PRKCA: variants seen among roughly 807,000 people sequenced by gnomAD.
PRKCA encodes the protein protein kinase C alpha.
In PRKCA, 27 loss-of-function variants were observed where a neutral mutation model predicts 87.0. That is an observed-to-expected ratio of 0.31 (90% CI 0.23 to 0.43). PRKCA has a LOEUF of 0.43. Ranked by LOEUF, PRKCA falls within the 20% of genes least tolerant of loss-of-function variation. The pLI is 1.00. For synonymous variants in PRKCA, 329 were observed against 311.1 expected (o/e 1.06, Z -0.61); for missense variants, 518 against 852.3 (o/e 0.61, Z 4.88).
intron 2 of PRKCA, among the ~76,000 whole-genome samples, chr17:66,422,552 C>T (rs9789061): frequency 0.52 from 79,264 of 151,870 alleles, 23,169 homozygotes; most frequent in Non-Finnish European, 0.67. Flanking sequence ...CCCAGAAGGG[C>T]AGTGAGGATT....
intron 3 of PRKCA, among the ~76,000 whole-genome samples, chr17:66,609,484 T>A (rs1438468199): frequency 2.0e-5 from 3 of 152,328 alleles, no homozygotes; most frequent in African/African-American, 7.2e-5. Flanking sequence ...CTATTGCCAA[T>A]CATCGATCAG....
intron 14 of PRKCA, among the ~76,000 whole-genome samples, chr17:66,784,538 C>A (rs929616289): frequency 6.6e-6 from 1 of 152,240 alleles, no homozygotes; most frequent in African/African-American, 2.4e-5. Flanking sequence ...TGAGCCACCA[C>A]GCCCAGCTAC....
chr17:66,494,214 G>A (rs1916367440), intron 2 of PRKCA, among the ~76,000 whole-genome samples: 1 of 152,204 alleles, frequency 6.6e-6, no homozygotes, highest in Non-Finnish European at 1.5e-5. Context: ...GGAGAAAATA[G>A]CGTATGAGCC....
chr17:66,531,091 T>G (rs554202463), intron 3 of PRKCA, among the ~76,000 whole-genome samples: 86 of 152,314 alleles, frequency 5.6e-4, no homozygotes, highest in African/African-American at 1.9e-3. Context: ...GTAACATTCT[T>G]TGCTCCATCG....
chr17:66,444,025 G>T (rs940512090), intron 2 of PRKCA, among the ~76,000 whole-genome samples: 4 of 152,144 alleles, frequency 2.6e-5, no homozygotes, highest in African/African-American at 4.8e-5. Context: ...CTTTTTCTGA[G>T]TCTCAGTTTC....
At position 66,364,513 on chromosome 17, in the gene PRKCA, A is replaced by G. The variant is rs181579328; in HGVS notation, c.205+58386A>G. Among the ~76,000 whole-genome samples, 5 of 152,298 alleles carry G rather than the reference A, an allele frequency of 3.3e-5. No homozygotes were observed. In the East Asian group the frequency reaches 9.6e-4, roughly 29 times the overall value. On this transcript the variant is annotated intron_variant, in intron 2 of 16. Transcript: ENST00000413366. ...ATGTACCTTAAACAAGTAGCCCTGTATGGAGAAGAGGAGAGAGGGAACGAT... is the reference window on the plus strand; with the variant it reads ...ATGTACCTTAAACAAGTAGCCCTGTGTGGAGAAGAGGAGAGAGGGAACGAT...
chr17:66,657,094 T>C (rs918815871), intron 5 of PRKCA, among the ~76,000 whole-genome samples: 2 of 152,184 alleles, frequency 1.3e-5, no homozygotes, highest in Non-Finnish European at 1.5e-5. Context: ...TGAGAAAATA[T>C]GAGATAAGTT....
rs528174150 is a variant in PRKCA, at chr17:66,755,855, T to C, written c.1524+13095T>C. Among the ~76,000 whole-genome samples, 12 of 152,086 alleles carry C rather than the reference T, an allele frequency of 7.9e-5. No homozygotes were observed. In the South Asian group the frequency reaches 1.5e-3, roughly 18 times the overall value. On this transcript the variant is annotated intron_variant, in intron 13 of 16. Coordinates refer to ENST00000413366, the MANE Select transcript of PRKCA (RefSeq NM_002737.3). ...CTGACCAGTGCACCAGCATTGGTGG[T>C]TGAGTGGTAGAATTCTCGCCTCCCT...
chr17:66,317,626 AT>A (rs1401961246), intron 2 of PRKCA, among the ~76,000 whole-genome samples: 1 of 151,904 alleles, frequency 6.6e-6, no homozygotes, highest in Non-Finnish European at 1.5e-5. Flanking sequence ...TTATCTCTTC[AT>A]TTTTTTCCTT....
intron 3 of PRKCA, among the ~76,000 whole-genome samples, chr17:66,541,336 G>T (rs1030419976): frequency 2.0e-5 from 3 of 152,196 alleles, no homozygotes; most frequent in African/African-American, 7.2e-5. Flanking sequence ...TGCCTCTGGT[G>T]TTCTTGAAAG....
At chr17:66,788,677 G>T (rs1416355265) in intron 15 of PRKCA, among the ~76,000 whole-genome samples, 162 bp from the exon 16 acceptor site, 1 of 152,116 alleles carries the variant, frequency 6.6e-6, no homozygotes, top group Non-Finnish European at 1.5e-5. Context: ...TTGTGAGTTG[G>T]CTTCACTTCG....
chr17:66,772,351 C>T (rs1037858536), intron 13 of PRKCA, among the ~76,000 whole-genome samples: 4 of 151,986 alleles, frequency 2.6e-5, no homozygotes, highest in Non-Finnish European at 5.9e-5. Flanking sequence ...TCTTGTTTAC[C>T]CTTGTTACTG....
intron 16 of PRKCA, among the ~76,000 whole-genome samples, chr17:66,795,474 A>G (rs995194740): frequency 6.6e-6 from 1 of 152,234 alleles, no homozygotes; most frequent in Non-Finnish European, 1.5e-5. Flanking sequence ...AAGCCTCTAA[A>G]CTAGTCTAAG....
intron 2 of PRKCA, among the ~76,000 whole-genome samples, chr17:66,423,204 T>A (rs1457709610): frequency 2.0e-5 from 3 of 152,200 alleles, no homozygotes; most frequent in African/African-American, 4.8e-5. Context: ...GATTTAATTT[T>A]ATTCATGATG....
intron 5 of PRKCA, among the ~76,000 whole-genome samples, chr17:66,683,443 G>C (rs576097003): frequency 6.6e-6 from 1 of 152,332 alleles, no homozygotes; most frequent in South Asian, 2.1e-4. Flanking sequence ...TGGTGCCTGG[G>C]TGTCAACCCG....
At chr17:66,320,756 A>T (rs968962016) in intron 2 of PRKCA, among the ~76,000 whole-genome samples, 2 of 152,200 alleles carry the variant, frequency 1.3e-5, no homozygotes. Context: ...AAAATCTTAC[A>T]TTGTTTTCAT....
At chr17:66,526,036 A>G (rs1967338530) in intron 3 of PRKCA, among the ~76,000 whole-genome samples, 1 of 152,202 alleles carries the variant, frequency 6.6e-6, no homozygotes, top group Admixed American at 6.5e-5. Context: ...TAAAAGACAT[A>G]CTGCTGTGAT....
intron 2 of PRKCA, among the ~76,000 whole-genome samples, chr17:66,451,343 AATTTATTT>A (rs60875203): frequency 0.012 from 1,808 of 144,952 alleles, 19 homozygotes; most frequent in Middle Eastern, 0.024. Flanking sequence ...ACGGAGTTAG[AATTTATTT>A]ATTTATTTAT....
intron 2 of PRKCA, among the ~76,000 whole-genome samples, chr17:66,352,957 C>G (rs966358263): frequency 6.6e-6 from 1 of 152,108 alleles, no homozygotes; most frequent in African/African-American, 2.4e-5. Context: ...ATAATTTTAT[C>G]CAGCCATTTA....
Sources: gnomAD v4.1 joint callset for allele counts (sites outside exome capture counted in the v4.1 genomes callset) on GRCh38, gnomAD v4.1.1 for gene constraint, MANE v1.5 for transcripts, NCBI Gene and HGNC (gene_info 2026-07-23, HGNC 2026-07-21) for gene names.